The following FAT2 variants were observed in gnomAD, a reference collection of about 807,000 sequenced individuals.
The protein encoded by FAT2 is FAT atypical cadherin 2, also known as protocadherin Fat 2.
FAT2 carries 150 observed loss-of-function variants against 295.3 expected under a neutral mutation model. That is an observed-to-expected ratio of 0.51 (90% CI 0.44 to 0.58). The LOEUF is 0.58. FAT2 is among the 20% of genes least tolerant of loss of function. The pLI is 0.00. For missense variants in FAT2, 4,868 were observed against 5,442.7 expected, an observed-to-expected ratio of 0.89 and a Z score of 3.32; for synonymous variants, 2,026 against 2,150.3, an observed-to-expected ratio of 0.94 and a Z score of 1.60.
upstream of FAT2, among the ~76,000 whole-genome samples, chr5:151,591,872 G>C (rs1192440289): frequency 2.0e-5 from 3 of 152,140 alleles, no homozygotes; most frequent in Non-Finnish European, 4.4e-5. Flanking sequence ...TGAGATAAAG[G>C]TTGCTAAGAA....
At chr5:151,516,379 GGTT>G (rs1752866769) in intron 20 of FAT2, among the ~76,000 whole-genome samples, 1 of 152,086 alleles carries the variant, frequency 6.6e-6, no homozygotes. Context: ...TAGTGAGCGT[GGTT>G]GCACACACCT....
rs963124500 is a variant in FAT2, at chr5:151,542,448, C to G, written c.8679G>C (p.Gln2893His). ...TIQLSSQALV[Q>H]VSITDENDNA... The stretch of plus-strand genomic sequence containing the variant: ...TGTCATTCTCATCTGTAATGGAGAC[C>G]TGAACCAGGGCCTGAGAGGATAGCT... The change falls in exon 10 of 24, where the codon CAG (glutamine) becomes CAC (histidine). Residue 2893 changes from glutamine (Q) to histidine (H), a missense_variant. By Grantham distance (24) the Gln-to-His change is conservative. Coordinates refer to ENST00000261800, the MANE Select transcript of FAT2 (RefSeq NM_001447.3). 2 of 1,614,038 alleles carry G rather than the reference C, an allele frequency of 1.2e-6. No individual in the cohort carries two copies. Among genetic ancestry groups the G allele is most frequent in the Non-Finnish European group, 1.7e-6 (2 of 1,180,048 alleles).
rs747386155 is a variant in FAT2 at position 151,563,323 on chromosome 5, A to G, written c.3574+2T>C. The G allele has an allele frequency of 6.7e-5, 108 of 1,612,788 alleles. No homozygotes were observed. Among genetic ancestry groups the G allele is most frequent in the Non-Finnish European group, 8.8e-5 (104 of 1,179,636 alleles). The stretch of plus-strand genomic sequence containing the variant: ...TGTTCACCCAGCTTTTTGGATCCTT[A>G]CCTGTAACAGGGTGAATCATAAAGA... On this transcript the variant is annotated splice_donor_variant, in intron 3 of 23. Coordinates refer to ENST00000261800, the MANE Select transcript of FAT2 (RefSeq NM_001447.3). LOFTEE classifies it high-confidence loss of function.
chr5:151,511,936 C>T (rs1303310906), intron 21 of FAT2: 1 of 561,582 alleles, frequency 1.8e-6, no homozygotes, highest in East Asian at 3.0e-5. Context: ...CATTCATATC[C>T]TCCCTCATCC....
chr5:151,506,521 T>C (rs1760889250), intron 23 of FAT2, among the ~76,000 whole-genome samples: 1 of 152,234 alleles, frequency 6.6e-6, no homozygotes, highest in Non-Finnish European at 1.5e-5. Flanking sequence ...AAATGAGATG[T>C]GGCTCGGAAA....
chr5:151,511,195 T>C (rs1419674667), intron 21 of FAT2: 3 of 152,176 alleles, frequency 2.0e-5, no homozygotes, highest in Admixed American at 2.0e-4. Flanking sequence ...TCCTTGGATA[T>C]TTTGCAGGTA....
In FAT2 at chr5:151,584,599, G is replaced by C. The variant is rs149906713; in HGVS notation, c.-21+6566C>G. On this transcript the variant is annotated intron_variant, in intron 1 of 23. Transcript: ENST00000261800. Reference sequence around the variant, plus strand: ...CATACGGTCTCTGCCCAGTATAATAGTAACGTTGATTATAGCACCTAGCAC... The same window carrying C: ...CATACGGTCTCTGCCCAGTATAATACTAACGTTGATTATAGCACCTAGCAC... 4.5e-3 allele frequency among the ~76,000 whole-genome samples: 682 copies of C among 152,270 alleles called. 6 individuals are homozygous for C. The highest frequency in any genetic ancestry group is 0.015 in the African/African-American group (607 of 41,542).
chr5:151,565,283 C>T (rs1440257341), intron 2 of FAT2, among the ~76,000 whole-genome samples: 2 of 151,100 alleles, frequency 1.3e-5, no homozygotes, highest in Non-Finnish European at 2.9e-5. Context: ...ATAAAATGAA[C>T]AATATATGAT....
chr5:151,507,258 C>T lies in FAT2; in HGVS notation c.12413G>A (p.Arg4138Gln), dbSNP rs543652342. The T allele has an allele frequency of 4.2e-4, 676 of 1,614,122 alleles. 1 individual carries two copies. In the South Asian group the frequency reaches 6.9e-3, roughly 16 times the overall value. ...GGGGGGCACACTGCAGACCACTGGCCGTTGCTTAGAATTGGGTCCAAATGT... is the reference window on the plus strand; with the variant it reads ...GGGGGGCACACTGCAGACCACTGGCTGTTGCTTAGAATTGGGTCCAAATGT... ...LVTFGPNSKQRPVVCSVPPRL... is the reference protein window; with the variant it reads ...LVTFGPNSKQQPVVCSVPPRL... The change falls in exon 23 of 24, where the codon CGG (arginine) becomes CAG (glutamine). Residue 4138 changes from arginine (R) to glutamine (Q), a missense_variant. Around this residue, in one of 5 missense-constraint regions of FAT2, gnomAD observed 492 missense variants for 482.6 expected, o/e 1.02. Transcript: ENST00000261800.
chr5:151,542,845 TTGGTGGATTCG>T lies in FAT2; in HGVS notation c.8271_8281del (p.His2757GlnfsTer6). 6.2e-7 allele frequency: 1 copy of T among 1,614,168 alleles called. No individual in the cohort carries two copies. On this transcript the variant is annotated frameshift_variant, in exon 10 of 24. Transcript: ENST00000261800. LOFTEE classifies it high-confidence loss of function. ...TGCCATCACATCAATCTGGTACAAT[TTGGTGGATTCG>T]TGGTCCATGGGCTTCCTCACCTTTA...
chr5:151,563,280 C>T (rs2127641235), intron 3 of FAT2, 45 bp downstream of exon 3: 1 of 1,548,798 alleles, frequency 6.5e-7, no homozygotes, highest in South Asian at 1.2e-5. Flanking sequence ...ATTTGAGAAC[C>T]ACCATTGTAG....
Position 151,543,042 on chromosome 5 carries a change from C to T in FAT2, c.8085G>A (p.Leu2695=), listed in dbSNP as rs138223339. The change falls in exon 10 of 24, where the codon TTG becomes TTA. Residue 2695 remains leucine (L), a synonymous_variant. Coordinates refer to ENST00000261800, the MANE Select transcript of FAT2 (RefSeq NM_001447.3). ...GGTCTTCAGGTGCAGAGAAAGTATA[C>T]AAAGGTTCAGAAAATTTCGGTAAGG... ...KVSLPKFSEP[L]YTFSAPEDLP... The T allele has an allele frequency of 1.6e-4, 259 of 1,614,060 alleles. No homozygotes were observed. Among genetic ancestry groups the T allele is most frequent in the Non-Finnish European group, 2.1e-4 (248 of 1,180,038 alleles).
At position 151,566,573 on chromosome 5, in the gene FAT2, T is replaced by C. The variant is rs768823935; in HGVS notation, c.2359A>G (p.Ile787Val). 1.5e-5 allele frequency: 24 copies of C among 1,613,948 alleles called. No homozygotes were observed. The South Asian group carries it at 2.4e-4, about 16-fold the overall frequency. Residue 787 changes from isoleucine (I) to valine (V), a missense_variant, in exon 2 of 24, where the codon ATC becomes GTC. Physicochemically the swap from Ile to Val is conservative, Grantham distance 29. This residue lies in a region of FAT2 where 3,297 missense variants were observed against 3,669.4 expected (regional missense o/e 0.90). Coordinates refer to ENST00000261800, the MANE Select transcript of FAT2 (RefSeq NM_001447.3). ...PLDYEATNFY[I>V]LNVTVYDLGT... is the part of the protein sequence containing the mutation. The stretch of plus-strand genomic sequence containing the variant: ...AGGTCATATACTGTTACATTGAGGA[T>C]GTAGAAATTGGTGGCTTCATAGTCC...
intron 14 of FAT2, among the ~76,000 whole-genome samples, chr5:151,530,889 A>G (rs1398094296): frequency 1.3e-5 from 2 of 152,168 alleles, no homozygotes; most frequent in African/African-American, 4.8e-5. Flanking sequence ...TCTATTTTTT[A>G]ATATGTTCAA....
In FAT2 at chr5:151,545,703, C is replaced by T. The variant is rs1756557395; in HGVS notation, c.5424G>A (p.Glu1808=). Residue 1808 remains glutamate, a synonymous_variant, in exon 10 of 24, where the codon GAG becomes GAA. Coordinates refer to ENST00000261800, the MANE Select transcript of FAT2 (RefSeq NM_001447.3). The part of the protein sequence containing the change: ...SLLVYKILEP[E]ALKFFKIDPS... ...GATCAATTTTGAAAAACTTCAAGGC[C>T]TCCGGCTCCAAAATTTTATAGACCA... 1 of 1,614,014 alleles carries T rather than the reference C, an allele frequency of 6.2e-7. No individual in the cohort carries two copies. The highest frequency in any genetic ancestry group is 8.5e-7 in the Non-Finnish European group (1 of 1,180,040).
Position 151,545,366 on chromosome 5 carries a change from C to T in FAT2, c.5761G>A (p.Val1921Ile). 6.2e-7 allele frequency: 1 copy of T among 1,614,130 alleles called. No individual in the cohort carries two copies. ...TTCAGCACAGATATGCTACCAGTGA[C>T]AGGATGGATGGTAACAGCTTCATCA... ...NADEAVTIHPVTGSISVLNPA... is the reference protein window; with the variant it reads ...NADEAVTIHPITGSISVLNPA... The change falls in exon 10 of 24, where the codon GTC becomes ATC. Residue 1921 changes from valine (V) to isoleucine (I), a missense_variant. By Grantham distance (29) the Val-to-Ile change is conservative. Transcript: ENST00000261800.
chr5:151,527,904 G>A, intron 16 of FAT2, 92 bp downstream of exon 16: 5 of 1,494,700 alleles, frequency 3.3e-6, no homozygotes, highest in Non-Finnish European at 4.5e-6. Context: ...GTTTCAGGAT[G>A]GGGTCTTGAC....
chr5:151,589,114 G>A (rs912302027), intron 1 of FAT2, among the ~76,000 whole-genome samples: 2 of 152,084 alleles, frequency 1.3e-5, no homozygotes, highest in African/African-American at 4.8e-5. Context: ...GCATTCTAGG[G>A]GCTCAGGGAT....
rs1761415270 is a variant in FAT2, at chr5:151,512,707, TAGG to T, written c.11464-104_11464-102del. On this transcript the variant is annotated intron_variant, in intron 20 of 23. Transcript: ENST00000261800. The surrounding 1 kb of genome is among the most constrained non-coding windows in gnomAD (Gnocchi z 4.1). ...AGAATGTTGTTTGTATTTTTATGGG[TAGG>T]AGGGGGGTGTTTGGCTGTTTTAGAC... 1 of 1,132,134 alleles carries T rather than the reference TAGG, an allele frequency of 8.8e-7. No homozygotes were observed. The highest frequency in any genetic ancestry group is 2.6e-5 in the East Asian group (1 of 38,734). 70.1% of individuals were successfully genotyped at this position (1,132,134 alleles called of 1,614,324 possible). A position where few individuals can be genotyped will look rare whatever the true frequency, so the allele number is the denominator to read the frequency against.
Sources: allele counts gnomAD v4.1 joint callset (sites outside exome capture counted in the v4.1 genomes callset), GRCh38; gene constraint gnomAD v4.1.1; regional missense constraint gnomAD v4.1.1; non-coding constraint Gnocchi (gnomAD v3.1); transcripts MANE v1.5; gene names NCBI Gene and HGNC (gene_info 2026-07-23, HGNC 2026-07-21).